ANKS1B: variants seen among roughly 807,000 people sequenced by gnomAD.
ANKS1B encodes ankyrin repeat and sterile alpha motif domain-containing protein 1B.
Under a neutral mutation model 148.3 loss-of-function variants are expected in ANKS1B, and 36 were observed. The ratio of observed to expected loss-of-function variants is 0.24; its 90% CI spans 0.19 to 0.32. The LOEUF is 0.32. Ranked by LOEUF, ANKS1B falls within the 10% of genes least tolerant of loss-of-function variation. The pLI, the probability that ANKS1B is intolerant of heterozygous loss-of-function variation, is 1.00. For synonymous variants in ANKS1B, 542 were observed against 560.8 expected (o/e 0.97, Z 0.47); for missense variants, 1,157 against 1,542.6 (o/e 0.75, Z 4.19).
chr12:99,050,161 T>A (rs2099965039), intron 17 of ANKS1B, among the ~76,000 whole-genome samples: 1 of 152,260 alleles, frequency 6.6e-6, no homozygotes, highest in Non-Finnish European at 1.5e-5. Context: ...GACTACCTCA[T>A]ATTTGGGTAC....
chr12:98,839,252 T>C (rs2099392376), intron 17 of ANKS1B, among the ~76,000 whole-genome samples: 1 of 152,250 alleles, frequency 6.6e-6, no homozygotes, highest in African/African-American at 2.4e-5. Flanking sequence ...CACCATGTTA[T>C]GCAATTTGTG....
At chr12:99,573,491 A>T (rs2097483771) in intron 9 of ANKS1B, among the ~76,000 whole-genome samples, 1 of 152,058 alleles carries the variant, frequency 6.6e-6, no homozygotes, top group Admixed American at 6.6e-5. Context: ...TTATAGTGAT[A>T]CTCACACACC....
chr12:99,219,623 A>G (rs2153934381), intron 14 of ANKS1B, among the ~76,000 whole-genome samples: 1 of 152,326 alleles, frequency 6.6e-6, no homozygotes, highest in Middle Eastern at 3.4e-3. Flanking sequence ...GTGAAAAAGT[A>G]CACAAAAAGA....
At chr12:99,616,211 C>G (rs189212963) in intron 9 of ANKS1B, among the ~76,000 whole-genome samples, 4 of 152,184 alleles carry the variant, frequency 2.6e-5, no homozygotes, top group Admixed American at 2.6e-4. Flanking sequence ...AATAGCCATA[C>G]TGCCCAAAGT....
intron 17 of ANKS1B, chr12:98,895,447 CTG>C: frequency 2.7e-6 from 1 of 363,972 alleles, no homozygotes; most frequent in Non-Finnish European, 3.8e-6. Flanking sequence ...GTCGCCGCCG[CTG>C]GAGAGAGGAG....
chr12:98,920,938 G>A (rs1312392588), intron 17 of ANKS1B, among the ~76,000 whole-genome samples: 1 of 152,156 alleles, frequency 6.6e-6, no homozygotes, highest in African/African-American at 2.4e-5. Context: ...AAGGATGAAA[G>A]CAAGTTAATA....
At chr12:99,346,619 G>A (rs757535416) in intron 12 of ANKS1B, among the ~76,000 whole-genome samples, 4 of 151,868 alleles carry the variant, frequency 2.6e-5, no homozygotes, top group African/African-American at 4.8e-5. Context: ...AAAACAAAAC[G>A]AAACAAACAA....
chr12:99,924,279 C>T (rs896047762), intron 1 of ANKS1B, among the ~76,000 whole-genome samples: 1 of 152,090 alleles, frequency 6.6e-6, no homozygotes, highest in Non-Finnish European at 1.5e-5. Context: ...AGAAGCACTG[C>T]TTGGTGTATT....
chr12:98,907,096 TATACA>T (rs2099780341), intron 17 of ANKS1B, among the ~76,000 whole-genome samples: 1 of 151,822 alleles, frequency 6.6e-6, no homozygotes, highest in African/African-American at 2.4e-5. Flanking sequence ...GAATTTCAAG[TATACA>T]ATACATTATT....
intron 16 of ANKS1B, among the ~76,000 whole-genome samples, chr12:99,053,622 A>G (rs1000110975): frequency 1.3e-5 from 2 of 152,238 alleles, no homozygotes; most frequent in Non-Finnish European, 1.5e-5. Context: ...GGAATTAAAA[A>G]TGATGTCAGT....
At chr12:99,804,852 A>G (rs1251405671) in intron 4 of ANKS1B, among the ~76,000 whole-genome samples, 1 of 152,190 alleles carries the variant, frequency 6.6e-6, no homozygotes, top group Non-Finnish European at 1.5e-5. Context: ...AGCCTTGTAC[A>G]ATTCTGTTCT....
intron 14 of ANKS1B, among the ~76,000 whole-genome samples, chr12:99,191,214 A>G (rs949412320): frequency 2.0e-5 from 3 of 152,160 alleles, no homozygotes; most frequent in African/African-American, 7.2e-5. Flanking sequence ...TGGAGAGGAT[A>G]CGGAGAAATA....
chr12:99,723,167 C>A (rs939773091), intron 8 of ANKS1B, among the ~76,000 whole-genome samples: 2 of 152,186 alleles, frequency 1.3e-5, no homozygotes, highest in African/African-American at 4.8e-5. Flanking sequence ...ACCACAGTTG[C>A]GGCTGCCTGT....
At chr12:98,920,671 A>T (rs995646320) in intron 17 of ANKS1B, among the ~76,000 whole-genome samples, 1 of 152,164 alleles carries the variant, frequency 6.6e-6, no homozygotes, top group African/African-American at 2.4e-5. Flanking sequence ...TCAAGATGAG[A>T]TTTGGGTGGG....
chr12:99,683,378 G>C (rs1408245541), intron 8 of ANKS1B, among the ~76,000 whole-genome samples: 2 of 152,052 alleles, frequency 1.3e-5, no homozygotes, highest in African/African-American at 4.8e-5. Flanking sequence ...GAAAAACCTA[G>C]AGGAGATAGA....
chr12:99,511,053 A>G (rs149216916), intron 9 of ANKS1B, among the ~76,000 whole-genome samples: 1 of 152,040 alleles, frequency 6.6e-6, no homozygotes, highest in African/African-American at 2.4e-5. Context: ...AGGACTTCCA[A>G]TACTATGTTG....
intron 9 of ANKS1B, among the ~76,000 whole-genome samples, chr12:99,645,529 G>T (rs2098353448): frequency 6.6e-6 from 1 of 152,084 alleles, no homozygotes; most frequent in African/African-American, 2.4e-5. Flanking sequence ...AAGGCCCAGA[G>T]AGGTTAAATT....
At position 99,240,072 on chromosome 12, in the gene ANKS1B, T is replaced by G. The variant is rs2088948417; in HGVS notation, c.2419+4270A>C. On this transcript the variant is annotated intron_variant, in intron 14 of 26. Transcript: ENST00000683438. ...AAATTCAAAGATAACAATATTAACC[T>G]TAAATGTAAATAGGCTAAATGTCCC... is the stretch of plus-strand genomic sequence containing the variant. Among the ~76,000 whole-genome samples, 2 of 152,104 alleles carry G rather than the reference T, an allele frequency of 1.3e-5. 1 individual carries two copies. Among genetic ancestry groups the G allele is most frequent in the South Asian group, 4.2e-4 (2 of 4,816 alleles).
chr12:99,036,383 G>A (rs7299838), intron 17 of ANKS1B, among the ~76,000 whole-genome samples: 8 of 151,532 alleles, frequency 5.3e-5, no homozygotes, highest in African/African-American at 1.9e-4. Context: ...ATTCATTTGT[G>A]GACTCCCACA....
Sources: gnomAD v4.1 joint callset for allele counts (sites outside exome capture counted in the v4.1 genomes callset) on GRCh38, gnomAD v4.1.1 for gene constraint, MANE v1.5 for transcripts, NCBI Gene and HGNC (gene_info 2026-07-23, HGNC 2026-07-21) for gene names.